VSNL1: variants seen among roughly 807,000 people sequenced by gnomAD.
VSNL1 encodes the protein visinin-like protein 1.
Under a neutral mutation model 20.4 loss-of-function variants are expected in VSNL1, and 6 were observed. That is an observed-to-expected ratio of 0.29 (90% CI 0.16 to 0.58). The LOEUF is 0.58. Ranked by LOEUF, VSNL1 falls within the 20% of genes least tolerant of loss-of-function variation. VSNL1 has a pLI of 0.90. For missense variants in VSNL1, 100 were observed against 234.5 expected (o/e 0.43, Z 3.75); for synonymous variants, 93 against 86.4 (o/e 1.08, Z -0.42).
intron 1 of VSNL1, among the ~76,000 whole-genome samples, chr2:17,584,875 C>T (rs16983673): frequency 0.033 from 5,071 of 152,170 alleles, 88 homozygotes; most frequent in East Asian, 0.097. Context: ...GCATAAGTCC[C>T]CTAGCCTCCT....
intron 2 of VSNL1, among the ~76,000 whole-genome samples, chr2:17,607,308 C>T (rs1048566410): frequency 1.3e-5 from 2 of 152,290 alleles, no homozygotes; most frequent in African/African-American, 4.8e-5. Context: ...TGCTCTACCA[C>T]CTTCAAAGAG....
At chr2:17,646,579 T>TAC (rs1057512098) in intron 2 of VSNL1, among the ~76,000 whole-genome samples, 2 of 152,190 alleles carry the variant, frequency 1.3e-5, no homozygotes, top group African/African-American at 2.4e-5. Flanking sequence ...CTAATACACA[T>TAC]ACACACACAC....
At chr2:17,547,648 G>A (rs1220580964) in intron 1 of VSNL1, among the ~76,000 whole-genome samples, 2 of 152,052 alleles carry the variant, frequency 1.3e-5, no homozygotes, top group African/African-American at 2.4e-5. Flanking sequence ...AATTATTTCA[G>A]AATGAAATAA....
chr2:17,586,045 G>A lies in VSNL1; in HGVS notation c.-5-6025G>A, dbSNP rs1244504196. Among the ~76,000 whole-genome samples, 6 of 152,100 alleles carry A rather than the reference G, an allele frequency of 3.9e-5. No homozygotes were observed. In the South Asian group the frequency reaches 1.0e-3, roughly 26 times the overall value. ...GCTGGTCTCAAACTCCTGACCTCAGGTGATCTGCCCACCTCAGCCTCCCAA... is the reference window on the plus strand; with the variant it reads ...GCTGGTCTCAAACTCCTGACCTCAGATGATCTGCCCACCTCAGCCTCCCAA... On this transcript the variant is annotated intron_variant, in intron 1 of 3. Coordinates refer to ENST00000295156, the MANE Select transcript of VSNL1 (RefSeq NM_003385.5).
Position 17,649,015 on chromosome 2 carries a change from A to G in VSNL1, c.163-395A>G, listed in dbSNP as rs1332866186. Among the ~76,000 whole-genome samples, 1 of 152,174 alleles carries G rather than the reference A, an allele frequency of 6.6e-6. No individual in the cohort carries two copies. The highest frequency in any genetic ancestry group is 2.4e-5 in the African/African-American group (1 of 41,448). On this transcript the variant is annotated intron_variant, in intron 2 of 3. Coordinates refer to ENST00000295156, the MANE Select transcript of VSNL1 (RefSeq NM_003385.5). The surrounding 1 kb of genome is among the most constrained non-coding windows in gnomAD (Gnocchi z 6.4). ...TGGGCAGCGATGAAGCCAGATTCTC[A>G]TATCTAGAGGAACATTGAAGTTCGT...
intron 1 of VSNL1, among the ~76,000 whole-genome samples, chr2:17,565,715 T>C (rs541776270): frequency 7.9e-5 from 12 of 152,332 alleles, no homozygotes; most frequent in Admixed American, 5.2e-4. Flanking sequence ...AGAGTTCATG[T>C]AATATTATTC....
At chr2:17,586,637 G>A (rs919704870) in intron 1 of VSNL1, among the ~76,000 whole-genome samples, 1 of 151,252 alleles carries the variant, frequency 6.6e-6, no homozygotes, top group Admixed American at 6.6e-5. Flanking sequence ...ACCTTACCTA[G>A]CACAGAGCTT....
At position 17,586,535 on chromosome 2, in the gene VSNL1, T is replaced by C. The variant is rs903161279; in HGVS notation, c.-5-5535T>C. ...TAGCTCTCTACTATGAGTATTCATTTCATCATGCTTCATATTCCAAGACTT... is the reference window on the plus strand; with the variant it reads ...TAGCTCTCTACTATGAGTATTCATTCCATCATGCTTCATATTCCAAGACTT... On this transcript the variant is annotated intron_variant, in intron 1 of 3. Coordinates refer to ENST00000295156, the MANE Select transcript of VSNL1 (RefSeq NM_003385.5). 2.0e-5 allele frequency among the ~76,000 whole-genome samples: 3 copies of C among 152,226 alleles called. No individual in the cohort carries two copies. In the East Asian group the frequency reaches 5.8e-4, roughly 29 times the overall value.
At chr2:17,637,086 G>A (rs1397036271) in intron 2 of VSNL1, among the ~76,000 whole-genome samples, 1 of 152,106 alleles carries the variant, frequency 6.6e-6, no homozygotes, top group Non-Finnish European at 1.5e-5. Flanking sequence ...CTGGCTGTCC[G>A]GTTCCTTCCG....
intron 3 of VSNL1, among the ~76,000 whole-genome samples, chr2:17,652,996 C>T (rs551298346): frequency 2.6e-5 from 4 of 152,344 alleles, no homozygotes; most frequent in South Asian, 4.1e-4. Flanking sequence ...TTAGGAATTA[C>T]AGTCTTGCAC....
intron 1 of VSNL1, among the ~76,000 whole-genome samples, chr2:17,560,225 T>C (rs1051313240): frequency 1.3e-5 from 2 of 149,978 alleles, no homozygotes; most frequent in Non-Finnish European, 3.0e-5. Flanking sequence ...TATATAATAA[T>C]TATAATGACA....
intron 2 of VSNL1, among the ~76,000 whole-genome samples, chr2:17,599,374 A>T (rs1047639032): frequency 6.6e-6 from 1 of 152,232 alleles, no homozygotes; most frequent in Non-Finnish European, 1.5e-5. Flanking sequence ...AAAAATTTGA[A>T]TTTAAAAATG....
At chr2:17,601,296 T>C (rs1572357783) in intron 2 of VSNL1, among the ~76,000 whole-genome samples, 1 of 152,328 alleles carries the variant, frequency 6.6e-6, no homozygotes, top group East Asian at 1.9e-4. Flanking sequence ...AGTAATTCTC[T>C]GCAGCAGATT....
intron 1 of VSNL1, among the ~76,000 whole-genome samples, chr2:17,575,141 G>A (rs1361629366): frequency 6.6e-6 from 1 of 152,078 alleles, no homozygotes; most frequent in Admixed American, 6.5e-5. Flanking sequence ...TAAACTTTTT[G>A]TAGGAGATGG....
intron 1 of VSNL1, among the ~76,000 whole-genome samples, chr2:17,555,405 A>G (rs1395587529): frequency 6.6e-6 from 1 of 152,218 alleles, no homozygotes; most frequent in Non-Finnish European, 1.5e-5. Flanking sequence ...ATCCTGGAGC[A>G]CTGATTAATA....
At chr2:17,635,772 T>G (rs967815554) in intron 2 of VSNL1, among the ~76,000 whole-genome samples, 1 of 152,320 alleles carries the variant, frequency 6.6e-6, no homozygotes, top group African/African-American at 2.4e-5. Context: ...GGAAGCAAAG[T>G]AAGCTACCTT....
chr2:17,638,853 G>C (rs1417042207), intron 2 of VSNL1, among the ~76,000 whole-genome samples: 1 of 152,242 alleles, frequency 6.6e-6, no homozygotes, highest in African/African-American at 2.4e-5. Context: ...GGAGAGAGCA[G>C]CATAGGAGGG....
chr2:17,648,032 C>T (rs532516409), intron 2 of VSNL1, among the ~76,000 whole-genome samples: 31 of 152,206 alleles, frequency 2.0e-4, no homozygotes, highest in African/African-American at 7.2e-4. Context: ...ATGTTTATTT[C>T]GTGAGATAAT....
chr2:17,552,634 A>G (rs1016812314), intron 1 of VSNL1, among the ~76,000 whole-genome samples: 2 of 152,230 alleles, frequency 1.3e-5, no homozygotes, highest in South Asian at 4.1e-4. Context: ...TTTGTGTGTA[A>G]TAGTTTACAT....
Sources: allele counts gnomAD v4.1 joint callset (sites outside exome capture counted in the v4.1 genomes callset), GRCh38; gene constraint gnomAD v4.1.1; non-coding constraint Gnocchi (gnomAD v3.1); transcripts MANE v1.5; gene names NCBI Gene and HGNC (gene_info 2026-07-23, HGNC 2026-07-21).